VPS8: variants seen among roughly 807,000 people sequenced by gnomAD.
VPS8 encodes vacuolar protein sorting-associated protein 8 homolog.
VPS8 carries 129 observed loss-of-function variants against 216.4 expected under a neutral mutation model. The observed-to-expected ratio is 0.60, with a 90% confidence interval of 0.52 to 0.69. The LOEUF (loss-of-function observed/expected upper bound fraction) is 0.69, where lower values mean the gene tolerates loss of function less well. Ranked by LOEUF, VPS8 falls within the 30% of genes least tolerant of loss-of-function variation. The probability of loss-of-function intolerance (pLI) is 0.00; values close to 1 mark genes in which losing one functional copy is unlikely to be tolerated. For missense variants in VPS8, 1,531 were observed against 1,683.5 expected (o/e 0.91, Z 1.59); for synonymous variants, 571 against 565.4 (o/e 1.01, Z -0.14).
At chr3:184,890,201 GTCTTC>G (rs1732088202) in intron 22 of VPS8, among the ~76,000 whole-genome samples, 1 of 152,100 alleles carries the variant, frequency 6.6e-6, no homozygotes, top group Non-Finnish European at 1.5e-5. Context: ...TATGTCTAAG[GTCTTC>G]TCTTCTGCAT....
intron 28 of VPS8, 142 bp from the exon 29 acceptor site, chr3:184,919,985 A>T (rs1441698246): frequency 1.6e-5 from 9 of 548,060 alleles, no homozygotes; most frequent in Non-Finnish European, 2.9e-5. Context: ...ATGTCACGCA[A>T]GGTGTATAAG....
At chr3:184,991,421 T>G (rs1751878792) in intron 42 of VPS8, among the ~76,000 whole-genome samples, 1 of 152,224 alleles carries the variant, frequency 6.6e-6, no homozygotes, top group East Asian at 1.9e-4. Context: ...CCTTTTGCAT[T>G]CTATAATTTA....
intron 25 of VPS8, among the ~76,000 whole-genome samples, chr3:184,911,043 T>G (rs146927745): frequency 6.6e-6 from 1 of 152,350 alleles, no homozygotes; most frequent in East Asian, 1.9e-4. Context: ...AAATTGCCTT[T>G]CACATCTCTC....
chr3:184,893,553 CAG>C (rs1465206404), intron 22 of VPS8: 10 of 381,776 alleles, frequency 2.6e-5, no homozygotes, highest in Non-Finnish European at 3.8e-5. Flanking sequence ...ATTAAATTGT[CAG>C]GGGAGAAAAA....
At chr3:184,944,647 TTTAGCC>T in intron 36 of VPS8, 1 of 950,700 alleles carries the variant, frequency 1.1e-6, no homozygotes, top group Non-Finnish European at 1.3e-6. Context: ...GTAATGTTGA[TTTAGCC>T]TTTGTTAACA....
chr3:184,826,351 G>T (rs777817717), intron 3 of VPS8, 120 bp downstream of exon 3: 5 of 568,904 alleles, frequency 8.8e-6, no homozygotes, highest in Non-Finnish European at 1.5e-5. Flanking sequence ...CACTAGTCGT[G>T]TGTGTCAGTT....
At chr3:184,982,698 A>G in intron 41 of VPS8, 51 bp downstream of exon 41, 3 of 1,407,130 alleles carry the variant, frequency 2.1e-6, no homozygotes, top group African/African-American at 1.4e-5. Flanking sequence ...CATCAGTCCA[A>G]TATTTGTCTG....
At chr3:185,017,010 C>T (rs2110033470) in intron 45 of VPS8, among the ~76,000 whole-genome samples, 1 of 151,996 alleles carries the variant, frequency 6.6e-6, no homozygotes, top group East Asian at 1.9e-4. Flanking sequence ...TAAATTTTTT[C>T]CTAGTCTCAT....
At chr3:185,001,411 CATTTACCAATTTATTATA>C (rs1465768519) in intron 45 of VPS8, among the ~76,000 whole-genome samples, 7 of 152,238 alleles carry the variant, frequency 4.6e-5, no homozygotes, top group African/African-American at 1.7e-4. Flanking sequence ...ACTTTATTTA[CATTTACCAATTTATTATA>C]AAGGATGCGA....
intron 30 of VPS8, among the ~76,000 whole-genome samples, chr3:184,926,356 G>A (rs148876907): frequency 0.018 from 2,720 of 149,390 alleles, 90 homozygotes; most frequent in African/African-American, 0.066. Flanking sequence ...CAGCCTGGGC[G>A]ACAGAGTGAG....
chr3:185,006,447 A>G (rs1489580439), intron 45 of VPS8, among the ~76,000 whole-genome samples: 1 of 152,098 alleles, frequency 6.6e-6, no homozygotes, highest in Admixed American at 6.5e-5. Flanking sequence ...AACCTGTTCT[A>G]TTTTTATTCT....
At position 184,982,591 on chromosome 3, in the gene VPS8, C is replaced by G. The variant is rs754467607; in HGVS notation, c.3446C>G (p.Ala1149Gly). ...GCACTTTGGTTTCCGTTATTGGAGG[C>G]AATGATGGCCCCTCAGAAGCTGTCC... Reference protein sequence around the residue: ...REALWFPLLEAMMAPQKLSSS... With the variant: ...REALWFPLLEGMMAPQKLSSS... Residue 1149 changes from alanine (A) to glycine (G), a missense_variant, in exon 41 of 48, where the codon GCA becomes GGA. Transcript: ENST00000625842. The G allele has an allele frequency of 1.9e-6, 3 of 1,613,354 alleles. No individual in the cohort carries two copies. The highest frequency in any genetic ancestry group is 8.5e-7 in the Non-Finnish European group (1 of 1,179,684).
At chr3:185,022,926 A>G (rs1756858833) in intron 45 of VPS8, among the ~76,000 whole-genome samples, 1 of 152,168 alleles carries the variant, frequency 6.6e-6, no homozygotes, top group Non-Finnish European at 1.5e-5. Flanking sequence ...AATATAACAT[A>G]TGGGCTGTAA....
At chr3:185,050,867 G>A (rs1293700421) in intron 47 of VPS8, among the ~76,000 whole-genome samples, 3 of 152,158 alleles carry the variant, frequency 2.0e-5, no homozygotes, top group Non-Finnish European at 4.4e-5. Context: ...CCCTTAGAGT[G>A]TTGGTAGTGG....
intron 1 of VPS8, among the ~76,000 whole-genome samples, chr3:184,823,108 G>C (rs1200282240): frequency 6.6e-6 from 1 of 152,134 alleles, no homozygotes; most frequent in Non-Finnish European, 1.5e-5. Context: ...AACATCAAAG[G>C]AAGTGAATTA....
chr3:185,031,369 T>C (rs928629490), intron 46 of VPS8, among the ~76,000 whole-genome samples: 1 of 152,210 alleles, frequency 6.6e-6, no homozygotes, highest in Non-Finnish European at 1.5e-5. Context: ...TTGATCGATA[T>C]AGATGCTTCT....
At chr3:184,915,539 G>A (rs1213373339) in intron 28 of VPS8, 65 bp downstream of exon 28, 1 of 1,547,504 alleles carries the variant, frequency 6.5e-7, no homozygotes, top group Non-Finnish European at 8.8e-7. Flanking sequence ...TTGGCGGGGT[G>A]TGGTGGCTCA....
At chr3:185,037,345 C>G (rs887703574) in intron 46 of VPS8, among the ~76,000 whole-genome samples, 12 of 152,162 alleles carry the variant, frequency 7.9e-5, no homozygotes, top group African/African-American at 2.9e-4. Flanking sequence ...AATTACTAGT[C>G]ATTTTTCTCT....
At chr3:184,819,759 G>A (rs1374208001) in intron 1 of VPS8, among the ~76,000 whole-genome samples, 1 of 152,156 alleles carries the variant, frequency 6.6e-6, no homozygotes, top group Non-Finnish European at 1.5e-5. Flanking sequence ...GAAAATCTGA[G>A]TACAACTTGT....
Sources: gnomAD v4.1 joint callset for allele counts (sites outside exome capture counted in the v4.1 genomes callset) on GRCh38, gnomAD v4.1.1 for gene constraint, MANE v1.5 for transcripts, NCBI Gene and HGNC (gene_info 2026-07-23, HGNC 2026-07-21) for gene names.